Variants in SLC35D2 observed in about 807,000 individuals in gnomAD.
SLC35D2 encodes nucleotide sugar transporter SLC35D2.
Under a neutral mutation model 41.8 loss-of-function variants are expected in SLC35D2, and 43 were observed. That is an observed-to-expected ratio of 1.03 (90% CI 0.81 to 1.33). The LOEUF is 1.33. SLC35D2 is among the 40% of genes most tolerant of loss of function. The pLI, the probability that SLC35D2 is intolerant of heterozygous loss-of-function variation, is 0.00. For synonymous variants in SLC35D2, 150 were observed against 163.9 expected, an observed-to-expected ratio of 0.92 and a Z score of 0.65; for missense variants, 380 against 408.4, an observed-to-expected ratio of 0.93 and a Z score of 0.60.
chr9:96,359,477 G>A (rs555402279), intron 4 of SLC35D2, among the ~76,000 whole-genome samples: 1 of 152,036 alleles, frequency 6.6e-6, no homozygotes, highest in East Asian at 1.9e-4. Context: ...ATCACCTGAG[G>A]TCAGGAGTTC....
intron 4 of SLC35D2, among the ~76,000 whole-genome samples, chr9:96,356,266 C>A (rs530624087): frequency 3.3e-5 from 5 of 152,172 alleles, no homozygotes; most frequent in Admixed American, 3.3e-4. Context: ...GTGAAGCACA[C>A]GAACCTTTTT....
At chr9:96,327,386 C>T (rs997825726) in intron 9 of SLC35D2, among the ~76,000 whole-genome samples, 1 of 152,056 alleles carries the variant, frequency 6.6e-6, no homozygotes, top group Admixed American at 6.6e-5. Flanking sequence ...CACCCAGCTC[C>T]ATCTTAGTGA....
intron 1 of SLC35D2, among the ~76,000 whole-genome samples, chr9:96,380,755 G>A (rs1410441677): frequency 1.3e-5 from 2 of 151,914 alleles, no homozygotes; most frequent in Non-Finnish European, 2.9e-5. Context: ...TTACAGGTGT[G>A]AGCCACCGCG....
At position 96,382,436 on chromosome 9, in the gene SLC35D2, A is replaced by C. The variant is rs1831230866; in HGVS notation, c.158+1041T>G. 2.0e-5 allele frequency among the ~76,000 whole-genome samples: 3 copies of C among 151,284 alleles called. No homozygotes were observed. In the South Asian group the frequency reaches 6.3e-4, roughly 32 times the overall value. On this transcript the variant is annotated intron_variant, in intron 1 of 11. Coordinates refer to ENST00000253270, the MANE Select transcript of SLC35D2 (RefSeq NM_007001.3). ...GTCACTACACTCCAGCCTAGGCAAC[A>C]GAGTGAAACCTTGTCTCAAAAAAAT...
chr9:96,348,596 G>T (rs1829678401), intron 6 of SLC35D2, among the ~76,000 whole-genome samples: 1 of 152,110 alleles, frequency 6.6e-6, no homozygotes, highest in Admixed American at 6.6e-5. Context: ...AGCAGGATAG[G>T]GTCACTGCTG....
intron 3 of SLC35D2, 52 bp downstream of exon 3, chr9:96,364,412 A>G: frequency 2.8e-6 from 3 of 1,084,758 alleles, no homozygotes; most frequent in Non-Finnish European, 4.2e-6. Context: ...TCTAAAATCA[A>G]TGTGTATTTT....
In SLC35D2 at chr9:96,325,098, C is replaced by T. The variant is rs986805175; in HGVS notation, c.753-929G>A. On this transcript the variant is annotated intron_variant, in intron 9 of 11. Transcript: ENST00000253270. ...CTCCTGTAACTGTTACCAAAGTTAA[C>T]TCAGGCACTTAACATGACCGTAGGT... Among the ~76,000 whole-genome samples, 5 of 152,190 alleles carry T rather than the reference C, an allele frequency of 3.3e-5. No homozygotes were observed. The South Asian group carries it at 1.0e-3, about 32-fold the overall frequency.
chr9:96,322,144 G>T, intron 10 of SLC35D2, 64 bp from the exon 11 acceptor site: 1 of 1,031,810 alleles, frequency 9.7e-7, no homozygotes, highest in East Asian at 2.4e-5. Context: ...AATATAAATA[G>T]TAAAACCTGA....
chr9:96,383,675 C>A lies in SLC35D2; in HGVS notation c.-41G>T, dbSNP rs1823913764. On this transcript the variant is annotated 5_prime_UTR_variant, in exon 1 of 12. Coordinates refer to ENST00000253270, the MANE Select transcript of SLC35D2 (RefSeq NM_007001.3). ...GGACCCCGCCGCCCGCCAGCCCCGG[C>A]TGCGCACTGGTCCCGCCCGGCCGGG... 6.0e-6 allele frequency: 6 copies of A among 999,072 alleles called. No individual in the cohort carries two copies. The highest frequency in any genetic ancestry group is 7.1e-6 in the Non-Finnish European group (6 of 839,356). 61.9% of individuals were successfully genotyped at this position (999,072 alleles called of 1,614,324 possible). A position where few individuals can be genotyped will look rare whatever the true frequency, so the allele number is the denominator to read the frequency against.
At chr9:96,371,615 T>C (rs912247547) in intron 1 of SLC35D2, among the ~76,000 whole-genome samples, 1 of 151,286 alleles carries the variant, frequency 6.6e-6, no homozygotes, top group African/African-American at 2.4e-5. Context: ...TTAAGACATA[T>C]TAATCCTTGT....
In SLC35D2 at chr9:96,347,117, G is replaced by A. The variant is rs534441600; in HGVS notation, c.489-1716C>T. 2.3e-4 allele frequency among the ~76,000 whole-genome samples: 35 copies of A among 152,316 alleles called. 1 individual carries two copies. The South Asian group carries it at 4.1e-3, about 18-fold the overall frequency. ...TGCCTCCAGCCTGAGCAACAAGAGC[G>A]AAACTCTGTCTCAAAAGGATTTTCT... On this transcript the variant is annotated intron_variant, in intron 6 of 11. Transcript: ENST00000253270.
In SLC35D2 at chr9:96,364,544, C is replaced by T. The variant is rs756219405; in HGVS notation, c.199G>A (p.Ala67Thr). 25 of 1,598,110 alleles carry T rather than the reference C, an allele frequency of 1.6e-5. No individual in the cohort carries two copies. In the South Asian group the frequency reaches 2.7e-4, roughly 17 times the overall value. ...PIFLGIGQMAATIMILYVSKL... is the reference protein window; with the variant it reads ...PIFLGIGQMATTIMILYVSKL... ...GACACATATAGTATCATTATGGTGG[C>T]TGCCATCTGAAGAAAAGGGGAGAGA... The change falls in exon 3 of 12, where the codon GCC (alanine) becomes ACC (threonine). Residue 67 changes from alanine (A) to threonine (T), a missense_variant. Physicochemically the swap from Ala to Thr is moderately conservative, Grantham distance 58. Coordinates refer to ENST00000253270, the MANE Select transcript of SLC35D2 (RefSeq NM_007001.3).
intron 4 of SLC35D2, among the ~76,000 whole-genome samples, chr9:96,359,307 CAA>C (rs1356916363): frequency 6.0e-5 from 7 of 117,140 alleles, no homozygotes; most frequent in Non-Finnish European, 9.1e-5. Context: ...GACTCCGTCT[CAA>C]AAAAAAAAAA....
At chr9:96,328,777 C>T (rs751493305) in intron 9 of SLC35D2, among the ~76,000 whole-genome samples, 3 of 152,140 alleles carry the variant, frequency 2.0e-5, no homozygotes, top group African/African-American at 2.4e-5. Context: ...TTCCACCATC[C>T]ACAATGGTAC....
At chr9:96,344,554 A>C (rs1414121343) in intron 7 of SLC35D2, among the ~76,000 whole-genome samples, 1 of 132,336 alleles carries the variant, frequency 7.6e-6, no homozygotes, top group Admixed American at 7.4e-5. Flanking sequence ...AAAAAAAAAA[A>C]AACAGAGCAG....
At chr9:96,356,154 T>G (rs1830012705) in intron 4 of SLC35D2, among the ~76,000 whole-genome samples, 1 of 152,214 alleles carries the variant, frequency 6.6e-6, no homozygotes, top group South Asian at 2.1e-4. Context: ...TGCCATGGGA[T>G]CTCTGCGCGC....
At chr9:96,350,821 C>A in intron 6 of SLC35D2, 2 of 263,394 alleles carry the variant, frequency 7.6e-6, no homozygotes, top group Non-Finnish European at 1.4e-5. Flanking sequence ...TGAAGACAAA[C>A]ATTCAGTAAG....
chr9:96,351,285 C>T (rs965620917), intron 5 of SLC35D2, 114 bp from the exon 6 acceptor site: 26 of 727,758 alleles, frequency 3.6e-5, no homozygotes, highest in Non-Finnish European at 6.0e-5. Context: ...TAGCTAAAAT[C>T]CAGCAGACAA....
At chr9:96,330,124 G>A (rs752413827) in intron 9 of SLC35D2, among the ~76,000 whole-genome samples, 26 of 152,384 alleles carry the variant, frequency 1.7e-4, no homozygotes, top group Non-Finnish European at 2.8e-4. Flanking sequence ...CAGTGAGCCA[G>A]GAGTTCTGAT....
Sources: allele counts gnomAD v4.1 joint callset (sites outside exome capture counted in the v4.1 genomes callset), GRCh38; gene constraint gnomAD v4.1.1; transcripts MANE v1.5; gene names NCBI Gene and HGNC (gene_info 2026-07-23, HGNC 2026-07-21).